Variants in NCAM1 observed in about 807,000 individuals in gnomAD.
The protein encoded by NCAM1 is antigen recognized by monoclonal antibody 5.1H11.
Under a neutral mutation model 109.8 loss-of-function variants are expected in NCAM1, and 14 were observed. That is an observed-to-expected ratio of 0.13 (90% CI 0.08 to 0.20). The LOEUF (loss-of-function observed/expected upper bound fraction) is 0.20. NCAM1 is among the 10% of genes least tolerant of loss of function. The probability of loss-of-function intolerance (pLI) is 1.00; values close to 1 mark genes in which losing one functional copy is unlikely to be tolerated. For missense variants in NCAM1, 774 were observed against 1,109.9 expected, an observed-to-expected ratio of 0.70 and a Z score of 4.30; for synonymous variants, 418 against 442.9, an observed-to-expected ratio of 0.94 and a Z score of 0.70.
chr11:113,166,918 G>C (rs1421349667), intron 1 of NCAM1, among the ~76,000 whole-genome samples: 1 of 152,186 alleles, frequency 6.6e-6, no homozygotes, highest in African/African-American at 2.4e-5. Context: ...TCAAATTTCA[G>C]ATTCAAAACT....
At chr11:113,103,205 T>C (rs1320819066) in intron 1 of NCAM1, among the ~76,000 whole-genome samples, 2 of 152,192 alleles carry the variant, frequency 1.3e-5, no homozygotes, top group Non-Finnish European at 2.9e-5. Context: ...AGTTGAATCA[T>C]TCCTCCACCC....
At chr11:113,042,533 C>G (rs1256651023) in intron 1 of NCAM1, among the ~76,000 whole-genome samples, 1 of 152,180 alleles carries the variant, frequency 6.6e-6, no homozygotes, top group East Asian at 1.9e-4. Flanking sequence ...GTGATCTTTC[C>G]TCCTGTCCTC....
intron 1 of NCAM1, among the ~76,000 whole-genome samples, chr11:113,004,168 T>A (rs1405870670): frequency 6.6e-6 from 1 of 152,248 alleles, no homozygotes; most frequent in African/African-American, 2.4e-5. Flanking sequence ...TCTTCTGCTG[T>A]GTGTACTTAC....
At position 112,961,558 on chromosome 11, in the gene NCAM1, G is replaced by GT. The variant is rs781792212; in HGVS notation, c.-55_-54insT. Reference sequence around the variant, plus strand: ...GCCGCCGTCCACACTCGCTGCAGGGGGGGGGGCACAGAATTTACCGCGGCA... The same window carrying GT: ...GCCGCCGTCCACACTCGCTGCAGGGGTGGGGGGCACAGAATTTACCGCGGCA... On this transcript the variant is annotated 5_prime_UTR_variant, in exon 1 of 20. Coordinates refer to ENST00000316851, the MANE Select transcript of NCAM1 (RefSeq NM_181351.5). 29 of 1,129,712 alleles carry GT rather than the reference G, an allele frequency of 2.6e-5. No individual in the cohort carries two copies. In the East Asian group the frequency reaches 4.9e-4, roughly 19 times the overall value. The allele number at this position is 1,129,712 out of a possible 1,614,324, so 70.0% of individuals were successfully genotyped here. A position where few individuals can be genotyped will look rare whatever the true frequency, so the allele number is the denominator to read the frequency against.
chr11:113,067,574 C>T (rs1306365626), intron 1 of NCAM1, among the ~76,000 whole-genome samples: 1 of 152,182 alleles, frequency 6.6e-6, no homozygotes, highest in Admixed American at 6.5e-5. Context: ...ATATTGTCAC[C>T]ATCGTTATGT....
intron 1 of NCAM1, among the ~76,000 whole-genome samples, chr11:113,198,186 G>A (rs988424620): frequency 7.2e-5 from 11 of 152,110 alleles, no homozygotes; most frequent in Non-Finnish European, 1.2e-4. Context: ...AATAGTGTGG[G>A]AGAAATGGCT....
chr11:113,093,992 T>C (rs1249769995), intron 1 of NCAM1, among the ~76,000 whole-genome samples: 2 of 152,226 alleles, frequency 1.3e-5, no homozygotes, highest in Non-Finnish European at 2.9e-5. Context: ...ACCTGCAAGC[T>C]GCTTTAGTGG....
chr11:113,099,908 C>G (rs1302514361), intron 1 of NCAM1, among the ~76,000 whole-genome samples: 5 of 152,148 alleles, frequency 3.3e-5, no homozygotes, highest in Non-Finnish European at 7.4e-5. Context: ...AGGCTGTTCT[C>G]AAACTCCTGA....
chr11:113,106,974 A>C (rs1940202524), intron 1 of NCAM1, among the ~76,000 whole-genome samples: 1 of 152,172 alleles, frequency 6.6e-6, no homozygotes, highest in Non-Finnish European at 1.5e-5. Context: ...TTGGAATCGG[A>C]ATTTTATCTA....
intron 1 of NCAM1, among the ~76,000 whole-genome samples, chr11:112,984,546 C>G (rs1270624615): frequency 6.6e-6 from 1 of 151,884 alleles, no homozygotes; most frequent in Non-Finnish European, 1.5e-5. Context: ...CTCTACATGG[C>G]TACCCACACT....
chr11:113,259,346 C>T (rs557587511), intron 16 of NCAM1, among the ~76,000 whole-genome samples: 3 of 152,252 alleles, frequency 2.0e-5, no homozygotes, highest in South Asian at 2.1e-4. Flanking sequence ...CCACCGCGCC[C>T]GGCCATAGTT....
chr11:113,192,372 C>G (rs1467112929), intron 1 of NCAM1, among the ~76,000 whole-genome samples: 1 of 152,120 alleles, frequency 6.6e-6, no homozygotes, highest in African/African-American at 2.4e-5. Flanking sequence ...CAGTTTCATG[C>G]AAAGTGCTGG....
intron 1 of NCAM1, among the ~76,000 whole-genome samples, chr11:112,980,314 C>A (rs1203473435): frequency 6.6e-6 from 1 of 151,800 alleles, no homozygotes; most frequent in Admixed American, 6.6e-5. Flanking sequence ...CCATGTGAAC[C>A]AGCAGCTCTG....
intron 17 of NCAM1, chr11:113,264,396 A>G: frequency 1.0e-6 from 1 of 985,382 alleles, no homozygotes; most frequent in Non-Finnish European, 1.2e-6. Context: ...TGCAGACATC[A>G]GAGGCTCCAT....
chr11:112,998,357 T>C (rs1368365802), intron 1 of NCAM1, among the ~76,000 whole-genome samples: 1 of 152,166 alleles, frequency 6.6e-6, no homozygotes, highest in African/African-American at 2.4e-5. Context: ...TTAGACTTCT[T>C]TAAGGATGGA....
intron 1 of NCAM1, among the ~76,000 whole-genome samples, chr11:113,148,913 T>G (rs1373333671): frequency 6.6e-6 from 1 of 152,148 alleles, no homozygotes; most frequent in African/African-American, 2.4e-5. Flanking sequence ...GGCAGCAAGA[T>G]AAGGCAGAAG....
chr11:113,161,707 A>G (rs1489062986), intron 1 of NCAM1, among the ~76,000 whole-genome samples: 3 of 152,224 alleles, frequency 2.0e-5, no homozygotes, highest in Non-Finnish European at 2.9e-5. Flanking sequence ...ATGTAGTAAA[A>G]GAAACTCTTG....
intron 1 of NCAM1, among the ~76,000 whole-genome samples, chr11:113,011,052 G>A (rs1481125515): frequency 4.7e-5 from 7 of 149,920 alleles, no homozygotes; most frequent in Admixed American, 6.7e-5. Context: ...ATGCTGGTGC[G>A]CTGCACCCAC....
At chr11:112,999,177 A>G (rs1033232200) in intron 1 of NCAM1, among the ~76,000 whole-genome samples, 2 of 152,204 alleles carry the variant, frequency 1.3e-5, no homozygotes, top group African/African-American at 4.8e-5. Flanking sequence ...CTGATATTGT[A>G]TGTAATACTG....
Sources: allele counts gnomAD v4.1 joint callset (sites outside exome capture counted in the v4.1 genomes callset), GRCh38; gene constraint gnomAD v4.1.1; transcripts MANE v1.5; gene names NCBI Gene and HGNC (gene_info 2026-07-23, HGNC 2026-07-21).